DISC1: variants seen among roughly 807,000 people sequenced by gnomAD.
The protein encoded by DISC1 is DISC1 scaffold protein.
Under a neutral mutation model 84.5 loss-of-function variants are expected in DISC1, and 57 were observed. The ratio of observed to expected loss-of-function variants is 0.67; its 90% CI spans 0.55 to 0.84. The LOEUF is 0.84. DISC1 is among the 40% of genes least tolerant of loss of function. DISC1 has a pLI of 0.00. For synonymous variants in DISC1, 411 were observed against 415.2 expected (o/e 0.99, Z 0.12); for missense variants, 1,000 against 1,057.8 (o/e 0.95, Z 0.76).
chr1:231,868,585 C>T (rs1260701176), intron 9 of DISC1, among the ~76,000 whole-genome samples: 5 of 151,274 alleles, frequency 3.3e-5, no homozygotes, highest in Admixed American at 6.6e-5. Context: ...GCAAACCAGG[C>T]GCAGTGGCTC....
rs528807274 is a variant in DISC1, at chr1:232,036,355, A to G, written c.2426-337A>G. On this transcript the variant is annotated intron_variant, in intron 12 of 12. Transcript: ENST00000439617. ...TGCATCTGACAGTTGCCCCACCCCA[A>G]CTTGGGGCTTAGCCGGAGTTATGGT... Among the ~76,000 whole-genome samples, 13 of 152,058 alleles carry G rather than the reference A, an allele frequency of 8.5e-5. No homozygotes were observed. In the East Asian group the frequency reaches 2.3e-3, roughly 27 times the overall value.
intron 3 of DISC1, among the ~76,000 whole-genome samples, chr1:231,746,398 G>T (rs58732397): frequency 0.03 from 4,499 of 152,240 alleles, 163 homozygotes; most frequent in African/African-American, 0.083. Context: ...TATGAATAAT[G>T]CTGCAAGAAC....
At chr1:231,639,729 A>T (rs774837254) in intron 1 of DISC1, among the ~76,000 whole-genome samples, 1 of 152,052 alleles carries the variant, frequency 6.6e-6, no homozygotes, top group Non-Finnish European at 1.5e-5. Context: ...GTGAAGGTCC[A>T]ATGTGATCAG....
chr1:231,672,261 G>A (rs1168747856), intron 1 of DISC1, among the ~76,000 whole-genome samples: 1 of 151,918 alleles, frequency 6.6e-6, no homozygotes, highest in Non-Finnish European at 1.5e-5. Flanking sequence ...AGTTCTTTTA[G>A]TACTAGATCC....
chr1:231,646,405 G>T (rs898223147), intron 1 of DISC1, among the ~76,000 whole-genome samples: 2 of 152,020 alleles, frequency 1.3e-5, no homozygotes, highest in African/African-American at 4.8e-5. Context: ...GTCTATCATT[G>T]ACGGACATTT....
At chr1:231,919,546 T>G (rs562954802) in intron 9 of DISC1, among the ~76,000 whole-genome samples, 1 of 152,320 alleles carries the variant, frequency 6.6e-6, no homozygotes, top group African/African-American at 2.4e-5. Flanking sequence ...GCTGTGGGGA[T>G]TTGGTTTAAA....
chr1:232,026,419 T>G lies in DISC1; in HGVS notation c.2308-16T>G. 1 of 1,555,318 alleles carries G rather than the reference T, an allele frequency of 6.4e-7. No homozygotes were observed. The highest frequency in any genetic ancestry group is 8.8e-7 in the Non-Finnish European group (1 of 1,139,070). On this transcript the variant is annotated splice_polypyrimidine_tract_variant and intron_variant, in intron 11 of 12. Coordinates refer to ENST00000439617, the MANE Select transcript of DISC1 (RefSeq NM_018662.3). ...CACGGCACTAACAAGTGATCTTGTT[T>G]TCCCCCTCTCGCCAGGAATCTTACA... is the stretch of plus-strand genomic sequence containing the variant.
intron 9 of DISC1, among the ~76,000 whole-genome samples, chr1:231,948,422 A>G (rs539759906): frequency 3.9e-5 from 6 of 152,230 alleles, no homozygotes; most frequent in East Asian, 3.9e-4. Flanking sequence ...ACATGGACAT[A>G]GGGAGGGGAA....
At chr1:231,786,190 G>T (rs1573811851) in intron 6 of DISC1, among the ~76,000 whole-genome samples, 1 of 152,044 alleles carries the variant, frequency 6.6e-6, no homozygotes, top group Admixed American at 6.6e-5. Flanking sequence ...AATAAAAAAG[G>T]CTAGTAAAAG....
At chr1:231,699,200 T>C (rs1263584752) in intron 2 of DISC1, among the ~76,000 whole-genome samples, 1 of 152,150 alleles carries the variant, frequency 6.6e-6, no homozygotes, top group Non-Finnish European at 1.5e-5. Context: ...CTGCCACTCA[T>C]ACCCTGTTCA....
rs1184090391 is a variant in DISC1 at position 231,984,004 on chromosome 1, C to T, written c.2043-24781C>T. 5.3e-5 allele frequency among the ~76,000 whole-genome samples: 8 copies of T among 152,298 alleles called. No homozygotes were observed. The South Asian group carries it at 8.3e-4, about 16-fold the overall frequency. ...AAACTGAGGCTGAGGGAGGTTAAATCGCTTGTCCACAATCACATGCTAGTG... is the reference window on the plus strand; with the variant it reads ...AAACTGAGGCTGAGGGAGGTTAAATTGCTTGTCCACAATCACATGCTAGTG... On this transcript the variant is annotated intron_variant, in intron 10 of 12. Coordinates refer to ENST00000439617, the MANE Select transcript of DISC1 (RefSeq NM_018662.3).
rs750325934 is a variant in DISC1 at position 231,694,279 on chromosome 1, C to T, written c.521C>T (p.Ala174Val). Residue 174 changes from alanine to valine, a missense_variant, in exon 2 of 13, where the codon GCA becomes GTA. By Grantham distance (64) the Ala-to-Val change is moderately conservative. Around this residue, in one of 3 missense-constraint regions of DISC1, gnomAD observed 292 missense variants for 280.2 expected, o/e 1.04. Coordinates refer to ENST00000439617, the MANE Select transcript of DISC1 (RefSeq NM_018662.3). ...GATGGAGCAAGGCGTGTCCGGGCAG[C>T]AGGCTCTCTGCCATCAGCAGAGTTG... is the stretch of plus-strand genomic sequence containing the variant. ...CSDGARRVRAAGSLPSAELSS... is the reference protein window; with the variant it reads ...CSDGARRVRAVGSLPSAELSS... 3.1e-6 allele frequency: 5 copies of T among 1,614,146 alleles called. No homozygotes were observed. Among genetic ancestry groups the T allele is most frequent in the Admixed American group, 1.7e-5 (1 of 60,014 alleles).
chr1:231,875,388 C>T (rs2085803648), intron 9 of DISC1, among the ~76,000 whole-genome samples: 1 of 152,114 alleles, frequency 6.6e-6, no homozygotes, highest in Non-Finnish European at 1.5e-5. Context: ...TGTTAGACAG[C>T]CAGGGGCTCC....
intron 9 of DISC1, among the ~76,000 whole-genome samples, chr1:231,924,551 C>T (rs992191996): frequency 5.3e-5 from 8 of 152,194 alleles, no homozygotes; most frequent in East Asian, 1.9e-4. Flanking sequence ...AGAAAAGATC[C>T]GGTGATACTG....
intron 9 of DISC1, among the ~76,000 whole-genome samples, chr1:231,923,307 C>CAAAAAAAA (rs1461560372): frequency 7.2e-6 from 1 of 138,530 alleles, no homozygotes; most frequent in African/African-American, 2.7e-5. Flanking sequence ...CAAAAAAAAC[C>CAAAAAAAA]AAAAAAAAAA....
intron 8 of DISC1, among the ~76,000 whole-genome samples, chr1:231,814,222 T>C (rs1186986990): frequency 1.3e-5 from 2 of 152,230 alleles, no homozygotes; most frequent in Non-Finnish European, 1.5e-5. Context: ...AGTTGGAAAC[T>C]TGCCCTATGC....
intron 9 of DISC1, among the ~76,000 whole-genome samples, chr1:231,873,157 T>G (rs2085591779): frequency 6.6e-6 from 1 of 152,318 alleles, no homozygotes; most frequent in African/African-American, 2.4e-5. Flanking sequence ...CGACAAGAAC[T>G]TCCGCTGTAA....
At chr1:231,691,559 A>T (rs1205856181) in intron 1 of DISC1, among the ~76,000 whole-genome samples, 1 of 152,260 alleles carries the variant, frequency 6.6e-6, no homozygotes. Context: ...TAACTTCAGA[A>T]GGGTTATCTG....
rs548848244 is a variant in DISC1, at chr1:231,660,462, A to C, written c.68-33364A>C. Among the ~76,000 whole-genome samples the C allele has an allele frequency of 5.3e-3, 792 of 150,760 alleles. 3 individuals carry two copies. Among genetic ancestry groups the C allele is most frequent in the Middle Eastern group, 0.01 (3 of 290 alleles). On this transcript the variant is annotated intron_variant, in intron 1 of 12. Transcript: ENST00000439617. ...GTCTTTTAATTGGGGCATTTAGCCC[A>C]AAAAAAAAATATATATATTTTATAT...
Sources: gnomAD v4.1 joint callset for allele counts (sites outside exome capture counted in the v4.1 genomes callset) on GRCh38, gnomAD v4.1.1 for gene constraint, gnomAD v4.1.1 regional missense constraint, MANE v1.5 for transcripts, NCBI Gene and HGNC (gene_info 2026-07-23, HGNC 2026-07-21) for gene names.